ASIC2: variants seen among roughly 807,000 people sequenced by gnomAD.
ASIC2 encodes acid sensing ion channel subunit 2.
Under a neutral mutation model 57.3 loss-of-function variants are expected in ASIC2, and 25 were observed. The observed-to-expected ratio is 0.44, with a 90% CI of 0.32 to 0.61. The LOEUF is 0.61. Ranked by LOEUF, ASIC2 falls within the 20% of genes least tolerant of loss-of-function variation. The pLI is 0.06. For synonymous variants in ASIC2, 319 were observed against 307.5 expected (o/e 1.04, Z -0.39); for missense variants, 641 against 738.1 (o/e 0.87, Z 1.52).
chr17:33,019,367 G>A (rs1430713375), intron 7 of ASIC2, among the ~76,000 whole-genome samples: 1 of 151,858 alleles, frequency 6.6e-6, no homozygotes, highest in Non-Finnish European at 1.5e-5. Flanking sequence ...GTGCTTGTGT[G>A]TGTATATGGG....
chr17:33,255,009 A>ATGCTATT (rs1350818279), intron 1 of ASIC2, among the ~76,000 whole-genome samples: 1 of 148,082 alleles, frequency 6.8e-6, no homozygotes. Flanking sequence ...ATTAGACAAA[A>ATGCTATT]TGCTATTTAG....
At chr17:33,604,871 A>G (rs1310131980) in intron 1 of ASIC2, among the ~76,000 whole-genome samples, 1 of 152,170 alleles carries the variant, frequency 6.6e-6, no homozygotes, top group Admixed American at 6.5e-5. Flanking sequence ...TGGTATAATG[A>G]GGCTCAGAAG....
At chr17:33,352,863 C>T (rs1009401036) in intron 1 of ASIC2, among the ~76,000 whole-genome samples, 6 of 152,162 alleles carry the variant, frequency 3.9e-5, no homozygotes, top group East Asian at 3.9e-4. Context: ...TTCTCTCATG[C>T]CCCTTACCTT....
intron 1 of ASIC2, among the ~76,000 whole-genome samples, chr17:33,419,224 A>C (rs1225662368): frequency 6.6e-6 from 1 of 152,244 alleles, no homozygotes; most frequent in Non-Finnish European, 1.5e-5. Flanking sequence ...GGAGCGGCTA[A>C]GGTGACTCAT....
chr17:33,895,146 G>A (rs1300446461), intron 1 of ASIC2, among the ~76,000 whole-genome samples: 9 of 147,848 alleles, frequency 6.1e-5, no homozygotes, highest in Non-Finnish European at 1.3e-4. Flanking sequence ...TTAGTGGCAA[G>A]CATTGAAGTT....
chr17:34,027,688 C>T (rs1410402328), intron 1 of ASIC2, among the ~76,000 whole-genome samples: 1 of 152,202 alleles, frequency 6.6e-6, no homozygotes, highest in Non-Finnish European at 1.5e-5. Context: ...AGATAGAAGT[C>T]ATGAGTTTGA....
intron 1 of ASIC2, among the ~76,000 whole-genome samples, chr17:33,403,553 T>G (rs1910358852): frequency 6.6e-6 from 1 of 152,236 alleles, no homozygotes; most frequent in African/African-American, 2.4e-5. Context: ...TGTTTAAAAG[T>G]ATTTTATTCT....
chr17:33,268,117 G>A (rs765683858), intron 1 of ASIC2, among the ~76,000 whole-genome samples: 3 of 152,124 alleles, frequency 2.0e-5, no homozygotes, highest in Non-Finnish European at 4.4e-5. Flanking sequence ...CAGGGACAGC[G>A]CCCTGACCTG....
chr17:33,825,766 A>T (rs1251634951), intron 1 of ASIC2, among the ~76,000 whole-genome samples: 2 of 152,238 alleles, frequency 1.3e-5, no homozygotes. Context: ...ACAAAGAAAA[A>T]TTCTTGGCTA....
intron 1 of ASIC2, among the ~76,000 whole-genome samples, chr17:33,345,028 T>C (rs1326793481): frequency 6.6e-6 from 1 of 152,070 alleles, no homozygotes; most frequent in African/African-American, 2.4e-5. Context: ...AACTTTCCAA[T>C]TTATAAGCCA....
intron 1 of ASIC2, among the ~76,000 whole-genome samples, chr17:33,437,009 G>A (rs1424503698): frequency 2.7e-5 from 4 of 149,826 alleles, no homozygotes; most frequent in South Asian, 2.1e-4. Flanking sequence ...GGGACTACAG[G>A]CGCCCGCTAC....
chr17:33,632,162 T>C (rs1188096974), intron 1 of ASIC2, among the ~76,000 whole-genome samples: 1 of 152,168 alleles, frequency 6.6e-6, no homozygotes, highest in Non-Finnish European at 1.5e-5. Context: ...ATGATAATAT[T>C]TACCACAGAG....
At position 33,808,590 on chromosome 17, in the gene ASIC2, G is replaced by T. The variant is rs1197769553; in HGVS notation, c.555+347388C>A. Among the ~76,000 whole-genome samples, 9 of 152,304 alleles carry T rather than the reference G, an allele frequency of 5.9e-5. 1 individual carries two copies. In the South Asian group the frequency reaches 1.5e-3, roughly 25 times the overall value. On this transcript the variant is annotated intron_variant, in intron 1 of 9. Coordinates refer to the ASIC2 transcript ENST00000359872. ...ACTTAATGGGATTTTGATTGGAATTGCACTGAATCTATGGATCAAGTTGGG... is the reference window on the plus strand; with the variant it reads ...ACTTAATGGGATTTTGATTGGAATTTCACTGAATCTATGGATCAAGTTGGG...
At chr17:33,464,623 CT>C (rs1912793996) in intron 1 of ASIC2, among the ~76,000 whole-genome samples, 1 of 130,874 alleles carries the variant, frequency 7.6e-6, no homozygotes, top group African/African-American at 2.8e-5. Flanking sequence ...TTTTTCTTTC[CT>C]TTTTCTTTTC....
At chr17:33,921,331 C>G (rs1423328806) in intron 1 of ASIC2, among the ~76,000 whole-genome samples, 1 of 152,080 alleles carries the variant, frequency 6.6e-6, no homozygotes, top group Admixed American at 6.5e-5. Flanking sequence ...AAGCAGAGGT[C>G]CTACCATGAT....
At chr17:33,194,270 GACCAA>G (rs1906541208) in intron 1 of ASIC2, among the ~76,000 whole-genome samples, 1 of 152,168 alleles carries the variant, frequency 6.6e-6, no homozygotes, top group East Asian at 1.9e-4. Flanking sequence ...ATGCCATTCT[GACCAA>G]GAGGCCATTG....
intron 1 of ASIC2, among the ~76,000 whole-genome samples, chr17:33,302,723 A>G (rs1302349827): frequency 4.6e-5 from 7 of 152,188 alleles, no homozygotes; most frequent in Admixed American, 4.6e-4. Flanking sequence ...GAGTTAATAT[A>G]TTCTTCTGCA....
chr17:33,050,612 G>T (rs191274478), intron 3 of ASIC2, among the ~76,000 whole-genome samples: 48 of 152,326 alleles, frequency 3.2e-4, no homozygotes, highest in African/African-American at 1.1e-3. Flanking sequence ...CTCTGATGAA[G>T]TGGTCTTTGA....
At chr17:33,882,751 G>A (rs375993313) in intron 1 of ASIC2, among the ~76,000 whole-genome samples, 150 of 152,228 alleles carry the variant, frequency 9.9e-4, no homozygotes, top group Middle Eastern at 3.4e-3. Flanking sequence ...CAGCCATCCC[G>A]TTACTGGGTA....
Sources: gnomAD v4.1 joint callset for allele counts (sites outside exome capture counted in the v4.1 genomes callset) on GRCh38, gnomAD v4.1.1 for gene constraint, MANE v1.5 for transcripts, NCBI Gene and HGNC (gene_info 2026-07-23, HGNC 2026-07-21) for gene names.